The following MAGI1 variants were observed in gnomAD, a reference collection of about 807,000 sequenced individuals.
MAGI1 encodes the protein membrane-associated guanylate kinase, WW and PDZ domain-containing protein 1.
A neutral mutation model predicts 139.9 loss-of-function variants in MAGI1; 58 were observed. The ratio of observed to expected loss-of-function variants is 0.41; its 90% CI spans 0.34 to 0.52. The LOEUF (loss-of-function observed/expected upper bound fraction) is 0.52. MAGI1 is among the 20% of genes least tolerant of loss of function. The probability of loss-of-function intolerance (pLI) is 0.12; values close to 1 mark genes in which losing one functional copy is unlikely to be tolerated. For missense variants in MAGI1, 1,874 were observed against 1,901.6 expected (o/e 0.99, Z 0.27); for synonymous variants, 812 against 737.9 (o/e 1.10, Z -1.63).
chr3:65,927,712 G>C (rs1016234647), intron 1 of MAGI1, among the ~76,000 whole-genome samples: 1 of 152,068 alleles, frequency 6.6e-6, no homozygotes, highest in Non-Finnish European at 1.5e-5. Flanking sequence ...CTGTGGAAAG[G>C]GACTGTGGTT....
chr3:65,691,195 T>TG (rs1439694052), intron 1 of MAGI1, among the ~76,000 whole-genome samples: 1 of 150,004 alleles, frequency 6.7e-6, no homozygotes, highest in Non-Finnish European at 1.5e-5. Context: ...CCCAGCTACA[T>TG]GGGAGGCTGA....
intron 2 of MAGI1, among the ~76,000 whole-genome samples, chr3:65,582,229 G>C (rs547023942): frequency 6.6e-6 from 1 of 152,212 alleles, no homozygotes; most frequent in South Asian, 2.1e-4. Flanking sequence ...ACATGGCATA[G>C]AGAAGCATGC....
At chr3:66,004,749 C>T (rs1193596305) in intron 1 of MAGI1, among the ~76,000 whole-genome samples, 1 of 152,146 alleles carries the variant, frequency 6.6e-6, no homozygotes, top group African/African-American at 2.4e-5. Context: ...ATCCCATGAA[C>T]AAGGTAAGTC....
intron 2 of MAGI1, among the ~76,000 whole-genome samples, chr3:65,527,687 T>C (rs2078451054): frequency 6.6e-6 from 1 of 152,152 alleles, no homozygotes; most frequent in Non-Finnish European, 1.5e-5. Flanking sequence ...ATTGGGCCAC[T>C]GTACTCCAGC....
rs535103425 is a variant in MAGI1 at position 65,652,545 on chromosome 3, T to C, written c.314-30457A>G. The stretch of plus-strand genomic sequence containing the variant: ...TCTCCAGACATTGTCAAATGTCTCC[T>C]GGAAAATAAAATCACCCTCAGTTGA... On this transcript the variant is annotated intron_variant, in intron 1 of 22. Transcript: ENST00000402939. 3.3e-5 allele frequency among the ~76,000 whole-genome samples: 5 copies of C among 152,272 alleles called. No homozygotes were observed. The South Asian group carries it at 1.0e-3, about 32-fold the overall frequency.
intron 1 of MAGI1, among the ~76,000 whole-genome samples, chr3:65,719,237 A>G (rs1017101570): frequency 6.6e-6 from 1 of 151,904 alleles, no homozygotes; most frequent in Non-Finnish European, 1.5e-5. Context: ...TTGGGCTTAT[A>G]TGGATATATA....
chr3:66,013,543 C>T (rs1468786028), intron 1 of MAGI1, among the ~76,000 whole-genome samples: 1 of 151,668 alleles, frequency 6.6e-6, no homozygotes, highest in East Asian at 1.9e-4. Context: ...GGGCGGATCA[C>T]GAGATCAGGA....
intron 2 of MAGI1, among the ~76,000 whole-genome samples, chr3:65,569,869 T>C (rs1313589112): frequency 6.6e-6 from 1 of 151,560 alleles, no homozygotes; most frequent in Non-Finnish European, 1.5e-5. Context: ...AGCGAGACCC[T>C]GTCTCAGAAA....
At chr3:65,748,344 A>G (rs1030422738) in intron 1 of MAGI1, among the ~76,000 whole-genome samples, 31 of 152,302 alleles carry the variant, frequency 2.0e-4, no homozygotes, top group African/African-American at 7.5e-4. Context: ...ACTGTGAGCC[A>G]CAGGAATATT....
intron 5 of MAGI1, among the ~76,000 whole-genome samples, chr3:65,469,312 A>T (rs1310406863): frequency 6.6e-6 from 1 of 152,008 alleles, no homozygotes; most frequent in Non-Finnish European, 1.5e-5. Context: ...AATCTGTGGT[A>T]TTTTTTTTAA....
At chr3:65,415,605 G>C (rs948132640) in intron 12 of MAGI1, among the ~76,000 whole-genome samples, 2 of 152,154 alleles carry the variant, frequency 1.3e-5, no homozygotes, top group African/African-American at 4.8e-5. Flanking sequence ...AGAAGAAGTG[G>C]GGAATTCTCC....
chr3:65,849,040 T>TTTTTTTGG (rs2059111256), intron 1 of MAGI1, among the ~76,000 whole-genome samples: 1 of 109,354 alleles, frequency 9.1e-6, no homozygotes. Flanking sequence ...TTTTTTTTTT[T>TTTTTTTGG]GAGATGGAGT....
chr3:65,366,922 C>T (rs757662950), intron 18 of MAGI1, among the ~76,000 whole-genome samples: 7 of 152,142 alleles, frequency 4.6e-5, no homozygotes, highest in African/African-American at 7.2e-5. Context: ...ATATGACTCC[C>T]ATTTGAGGGC....
In MAGI1 at chr3:65,430,145, A is replaced by T; in HGVS notation, c.1547-5T>A. 3 of 1,609,354 alleles carry T rather than the reference A, an allele frequency of 1.9e-6. No homozygotes were observed. Reference sequence around the variant, plus strand: ...TCACACTTACAATCACATCCCCTGTAGAAGGCAAGAGTGTGGGGGTTAAGA... The same window carrying T: ...TCACACTTACAATCACATCCCCTGTTGAAGGCAAGAGTGTGGGGGTTAAGA... On this transcript the variant is annotated splice_region_variant and splice_polypyrimidine_tract_variant and intron_variant, in intron 11 of 22. Transcript: ENST00000402939.
chr3:66,000,334 C>G (rs897867438), intron 1 of MAGI1, among the ~76,000 whole-genome samples: 1 of 151,998 alleles, frequency 6.6e-6, no homozygotes, highest in African/African-American at 2.4e-5. Flanking sequence ...CCTTTTAAGG[C>G]CTCCAATTGG....
chr3:66,002,508 A>G (rs2066796890), intron 1 of MAGI1, among the ~76,000 whole-genome samples: 1 of 151,608 alleles, frequency 6.6e-6, no homozygotes. Context: ...CACATAGACT[A>G]TTTTTCTTTT....
chr3:65,623,097 A>G (rs2083772833), intron 1 of MAGI1, among the ~76,000 whole-genome samples: 2 of 152,334 alleles, frequency 1.3e-5, no homozygotes, highest in Middle Eastern at 3.4e-3. Context: ...AATCATATGA[A>G]AGTTTTAACA....
chr3:65,451,329 T>C lies in MAGI1; in HGVS notation c.1042+1929A>G, dbSNP rs1291630171. 8.5e-5 allele frequency among the ~76,000 whole-genome samples: 13 copies of C among 152,188 alleles called. No homozygotes were observed. The East Asian group carries it at 2.5e-3, about 29-fold the overall frequency. ...ACATTGAAGACCCTATGGTAATAAG[T>C]GCCTAAATTGCTTTCAAAATCATAA... On this transcript the variant is annotated intron_variant, in intron 6 of 22. Coordinates refer to ENST00000402939, the MANE Select transcript of MAGI1 (RefSeq NM_001033057.2).
intron 22 of MAGI1, chr3:65,359,052 T>C (rs1461867153): frequency 6.2e-7 from 1 of 1,611,512 alleles, no homozygotes; most frequent in African/African-American, 1.3e-5. Flanking sequence ...TAGTATTGAT[T>C]GAGCTACAAA....
Sources: gnomAD v4.1 joint callset for allele counts (sites outside exome capture counted in the v4.1 genomes callset) on GRCh38, gnomAD v4.1.1 for gene constraint, MANE v1.5 for transcripts, NCBI Gene and HGNC (gene_info 2026-07-23, HGNC 2026-07-21) for gene names.